SNTG1: variants seen among roughly 807,000 people sequenced by gnomAD.
SNTG1 encodes syntrophin gamma 1.
In SNTG1, 39 loss-of-function variants were observed where a neutral mutation model predicts 74.7. The ratio of observed to expected loss-of-function variants is 0.52; its 90% CI spans 0.40 to 0.68. SNTG1 has a LOEUF of 0.68. SNTG1 is among the 30% of genes least tolerant of loss of function. SNTG1 has a pLI of 0.00. For synonymous variants in SNTG1, 254 were observed against 217.1 expected (o/e 1.17, Z -1.49); for missense variants, 685 against 609.5 (o/e 1.12, Z -1.30).
Position 50,784,007 on chromosome 8 carries a change from ATGT to A in SNTG1, c.1396-8659_1396-8657del, listed in dbSNP as rs370093017. Among the ~76,000 whole-genome samples the A allele has an allele frequency of 2.9e-3, 440 of 152,308 alleles. 1 individual carries two copies. Among genetic ancestry groups the A allele is most frequent in the African/African-American group, 0.01 (425 of 41,584 alleles). The stretch of plus-strand genomic sequence containing the variant: ...CTTTATCAAAGTAAGGGAGAATGCC[ATGT>A]TGTTCTTGCCAGATAGGGGTAGAAT... On this transcript the variant is annotated intron_variant, in intron 18 of 18. Coordinates refer to ENST00000642720, the MANE Select transcript of SNTG1 (RefSeq NM_018967.5).
chr8:50,490,122 T>G (rs79650456), intron 8 of SNTG1, among the ~76,000 whole-genome samples: 2,827 of 152,268 alleles, frequency 0.019, 124 homozygotes, highest in East Asian at 0.12. Context: ...TCTGTTCCAT[T>G]TGTCTAATTT....
At chr8:50,459,535 T>C (rs940452059) in intron 8 of SNTG1, among the ~76,000 whole-genome samples, 2 of 152,098 alleles carry the variant, frequency 1.3e-5, no homozygotes, top group African/African-American at 4.8e-5. Flanking sequence ...TTTTTCAACT[T>C]TTATTTTAGA....
intron 1 of SNTG1, among the ~76,000 whole-genome samples, chr8:50,015,777 C>T (rs1816251123): frequency 6.6e-6 from 1 of 152,066 alleles, no homozygotes; most frequent in Non-Finnish European, 1.5e-5. Context: ...ATTCCTGTAG[C>T]ATAAAAATCT....
At chr8:49,921,875 G>A (rs318861) in intron 1 of SNTG1, among the ~76,000 whole-genome samples, 126,073 of 152,096 alleles carry the variant, frequency 0.83, 54,311 homozygotes, top group Non-Finnish European at 0.94. Flanking sequence ...TAGCCACTGA[G>A]AATTGACTGA....
At chr8:50,592,708 A>G (rs1417328262) in intron 13 of SNTG1, among the ~76,000 whole-genome samples, 1 of 152,224 alleles carries the variant, frequency 6.6e-6, no homozygotes, top group Non-Finnish European at 1.5e-5. Context: ...AATATTATTC[A>G]TTATATAATA....
At chr8:50,202,516 G>A (rs573869740) in intron 2 of SNTG1, among the ~76,000 whole-genome samples, 4 of 151,914 alleles carry the variant, frequency 2.6e-5, no homozygotes, top group Admixed American at 1.3e-4. Flanking sequence ...GCCCTTTTAC[G>A]GCTTGATAGT....
At chr8:50,412,607 T>C (rs1048040635) in intron 4 of SNTG1, among the ~76,000 whole-genome samples, 3 of 152,306 alleles carry the variant, frequency 2.0e-5, no homozygotes, top group Middle Eastern at 3.4e-3. Context: ...TGTATAGACA[T>C]GGTGATACAC....
intron 2 of SNTG1, among the ~76,000 whole-genome samples, chr8:50,186,059 C>T (rs2083371313): frequency 6.6e-6 from 1 of 152,102 alleles, no homozygotes; most frequent in Non-Finnish European, 1.5e-5. Flanking sequence ...CATGTGTTCT[C>T]ATTGTTGAAC....
intron 15 of SNTG1, among the ~76,000 whole-genome samples, chr8:50,686,512 T>C (rs986426467): frequency 6.6e-6 from 1 of 152,196 alleles, no homozygotes; most frequent in Non-Finnish European, 1.5e-5. Flanking sequence ...TGTATTCTCC[T>C]TTCTTTTTCT....
intron 1 of SNTG1, among the ~76,000 whole-genome samples, chr8:49,935,880 A>G (rs892083606): frequency 1.3e-5 from 2 of 152,220 alleles, no homozygotes; most frequent in African/African-American, 4.8e-5. Flanking sequence ...CTATTGGACT[A>G]TGAGGTATAA....
chr8:50,783,497 G>A (rs968991895), intron 18 of SNTG1, among the ~76,000 whole-genome samples: 9 of 152,320 alleles, frequency 5.9e-5, no homozygotes, highest in African/African-American at 1.2e-4. Context: ...GGGACCCTCC[G>A]AGCCATGTGC....
chr8:50,753,054 T>A (rs1317312432), intron 18 of SNTG1, among the ~76,000 whole-genome samples: 1 of 152,014 alleles, frequency 6.6e-6, no homozygotes, highest in African/African-American at 2.4e-5. Context: ...TGCATGTGTT[T>A]CCAGGGGGTT....
rs2131702079 is a variant in SNTG1 at position 50,752,099 on chromosome 8, G to C, written c.1383G>C (p.Gln461His). Residue 461 changes from glutamine (Q) to histidine (H), a missense_variant, in exon 18 of 19, where the codon CAG (glutamine) becomes CAC (histidine). Transcript: ENST00000642720. ...TGTTTCAGAATCCAGATACTAAACAGATTGAAGCAAAGGTAAACCCAAGAA... is the reference window on the plus strand; with the variant it reads ...TGTTTCAGAATCCAGATACTAAACACATTGAAGCAAAGGTAAACCCAAGAA... The part of the protein sequence containing the change: ...KFLFQNPDTK[Q>H]IEAKELEFSN... 2 of 1,544,856 alleles carry C rather than the reference G, an allele frequency of 1.3e-6. No individual in the cohort carries two copies. Among genetic ancestry groups the C allele is most frequent in the Non-Finnish European group, 1.7e-6 (2 of 1,151,180 alleles).
chr8:50,692,124 A>G (rs2131453409), intron 15 of SNTG1, among the ~76,000 whole-genome samples: 1 of 152,104 alleles, frequency 6.6e-6, no homozygotes, highest in African/African-American at 2.4e-5. Context: ...ACTTCTCTGC[A>G]TTGGTTCTTC....
chr8:50,555,525 G>A (rs1269644493), intron 12 of SNTG1, among the ~76,000 whole-genome samples: 3 of 152,080 alleles, frequency 2.0e-5, no homozygotes, highest in Non-Finnish European at 4.4e-5. Context: ...AGGTTAGTTA[G>A]ATATCAGTTC....
At chr8:50,136,304 G>A (rs755780972) in intron 1 of SNTG1, among the ~76,000 whole-genome samples, 1 of 152,116 alleles carries the variant, frequency 6.6e-6, no homozygotes, top group Non-Finnish European at 1.5e-5. Context: ...TGGTAGTTCT[G>A]CTTTGAGTTC....
chr8:50,688,084 C>T (rs7827245), intron 15 of SNTG1, among the ~76,000 whole-genome samples: 183 of 152,284 alleles, frequency 1.2e-3, no homozygotes, highest in African/African-American at 4.3e-3. Context: ...ATATCCTTCA[C>T]CCACTTTTTG....
intron 4 of SNTG1, 152 bp from the exon 5 acceptor site, chr8:50,438,391 A>G (rs2093326279): frequency 1.7e-6 from 1 of 572,304 alleles, no homozygotes; most frequent in Non-Finnish European, 3.1e-6. Flanking sequence ...ATTTATTACA[A>G]GATGTGGAGG....
intron 1 of SNTG1, among the ~76,000 whole-genome samples, chr8:50,115,576 A>AAAAAAAAAAAAACAAAAAAAC (rs1482375164): frequency 2.1e-4 from 17 of 82,800 alleles, no homozygotes; most frequent in Non-Finnish European, 3.8e-4. Flanking sequence ...TCAAAAAAAA[A>AAAAAAAAAAAAACAAAAAAAC]AAAAAAAAAA....
Sources: gnomAD v4.1 joint callset for allele counts (sites outside exome capture counted in the v4.1 genomes callset) on GRCh38, gnomAD v4.1.1 for gene constraint, MANE v1.5 for transcripts, NCBI Gene and HGNC (gene_info 2026-07-23, HGNC 2026-07-21) for gene names.